Variants in CNTN3 observed in about 807,000 individuals in gnomAD.
CNTN3 encodes the protein contactin 3, also known as contactin-3.
In CNTN3, 60 loss-of-function variants were observed where a neutral mutation model predicts 119.1. The observed-to-expected ratio is 0.50, with a 90% CI of 0.41 to 0.62. The LOEUF (loss-of-function observed/expected upper bound fraction) is 0.62, where lower values mean the gene tolerates loss of function less well. CNTN3 is among the 20% of genes least tolerant of loss of function. The pLI is 0.00. For synonymous variants in CNTN3, 450 were observed against 438.7 expected, an observed-to-expected ratio of 1.03 and a Z score of -0.32; for missense variants, 1,101 against 1,242.4, an observed-to-expected ratio of 0.89 and a Z score of 1.71.
At chr3:74,399,986 A>G (rs1367810043) in intron 5 of CNTN3, among the ~76,000 whole-genome samples, 1 of 152,210 alleles carries the variant, frequency 6.6e-6, no homozygotes. Context: ...TCCAGCACAG[A>G]GTAAGTGTAA....
At chr3:74,513,280 A>G (rs115325633) in intron 2 of CNTN3, among the ~76,000 whole-genome samples, 2,755 of 152,270 alleles carry the variant, frequency 0.018, 70 homozygotes, top group African/African-American at 0.063. Flanking sequence ...CATGTCCACA[A>G]GTGACACCAA....
intron 1 of CNTN3, among the ~76,000 whole-genome samples, chr3:74,564,780 C>T (rs905370176): frequency 6.6e-6 from 1 of 151,912 alleles, no homozygotes; most frequent in Non-Finnish European, 1.5e-5. Context: ...CTCCTTGATT[C>T]ATCCAACATC....
At chr3:74,340,004 T>C (rs1169897014) in intron 11 of CNTN3, among the ~76,000 whole-genome samples, 3 of 152,026 alleles carry the variant, frequency 2.0e-5, no homozygotes, top group Non-Finnish European at 4.4e-5. Flanking sequence ...CAACCATAGA[T>C]AGAATATATT....
chr3:74,590,045 A>G (rs1024345908), intron 1 of CNTN3, among the ~76,000 whole-genome samples: 1 of 151,924 alleles, frequency 6.6e-6, no homozygotes, highest in Non-Finnish European at 1.5e-5. Flanking sequence ...CCAGCATGGC[A>G]CATGTATACA....
intron 5 of CNTN3, among the ~76,000 whole-genome samples, chr3:74,402,199 C>T (rs1166435259): frequency 6.6e-6 from 1 of 152,120 alleles, no homozygotes; most frequent in East Asian, 1.9e-4. Context: ...CGGCTACGTC[C>T]CAAAACCCCC....
chr3:74,315,886 T>C (rs1052226653), intron 13 of CNTN3, among the ~76,000 whole-genome samples: 13 of 152,210 alleles, frequency 8.5e-5, no homozygotes, highest in Non-Finnish European at 1.8e-4. Context: ...AAATATTTTA[T>C]ATGGAAATAC....
At chr3:74,323,334 G>A (rs772128048) in intron 13 of CNTN3, among the ~76,000 whole-genome samples, 1 of 152,038 alleles carries the variant, frequency 6.6e-6, no homozygotes, top group Non-Finnish European at 1.5e-5. Flanking sequence ...TTTAAAAGGG[G>A]TCCATCTCAA....
chr3:74,312,122 C>T (rs1302887491), intron 13 of CNTN3, among the ~76,000 whole-genome samples: 1 of 152,002 alleles, frequency 6.6e-6, no homozygotes, highest in African/African-American at 2.4e-5. Flanking sequence ...GGAAAACAGA[C>T]CATTTTGAGA....
chr3:74,436,558 C>T (rs955516600), intron 4 of CNTN3, among the ~76,000 whole-genome samples: 1 of 152,030 alleles, frequency 6.6e-6, no homozygotes, highest in Non-Finnish European at 1.5e-5. Flanking sequence ...ACGCTAGTAA[C>T]AATTTCACTG....
intron 13 of CNTN3, among the ~76,000 whole-genome samples, chr3:74,327,285 C>T (rs916181521): frequency 2.8e-4 from 42 of 151,754 alleles, no homozygotes; most frequent in African/African-American, 9.2e-4. Flanking sequence ...TGTGCCACCA[C>T]GCCTGGCTAA....
intron 4 of CNTN3, among the ~76,000 whole-genome samples, chr3:74,467,247 C>T (rs1462109259): frequency 6.6e-6 from 1 of 151,682 alleles, no homozygotes; most frequent in African/African-American, 2.4e-5. Flanking sequence ...CCTAAAATGA[C>T]TAAAAAATAA....
intron 13 of CNTN3, among the ~76,000 whole-genome samples, chr3:74,309,965 T>G (rs1265490919): frequency 1.3e-5 from 2 of 152,218 alleles, no homozygotes; most frequent in African/African-American, 4.8e-5. Context: ...TAATTCAACA[T>G]GGTGATAAAT....
At chr3:74,510,553 A>G (rs1703347638) in intron 2 of CNTN3, among the ~76,000 whole-genome samples, 1 of 152,116 alleles carries the variant, frequency 6.6e-6, no homozygotes, top group African/African-American at 2.4e-5. Flanking sequence ...CTGCATTTTA[A>G]TGACTTGTTT....
At chr3:74,607,741 T>C (rs1402140655) in intron 1 of CNTN3, among the ~76,000 whole-genome samples, 1 of 152,192 alleles carries the variant, frequency 6.6e-6, no homozygotes, top group African/African-American at 2.4e-5. Flanking sequence ...AAAAGATCCA[T>C]GGAAGTGGAA....
intron 3 of CNTN3, among the ~76,000 whole-genome samples, chr3:74,495,473 C>T (rs978806503): frequency 1.3e-5 from 2 of 151,840 alleles, no homozygotes; most frequent in Non-Finnish European, 1.5e-5. Context: ...ACAGCATACA[C>T]ATAGTGTGTG....
At chr3:74,395,378 T>C (rs73841835) in intron 5 of CNTN3, among the ~76,000 whole-genome samples, 3 of 150,304 alleles carry the variant, frequency 2.0e-5, no homozygotes, top group South Asian at 4.2e-4. Context: ...CACACACACA[T>C]ACACACACAC....
intron 1 of CNTN3, among the ~76,000 whole-genome samples, chr3:74,607,115 A>G (rs776824937): frequency 8.5e-5 from 13 of 152,180 alleles, no homozygotes; most frequent in Non-Finnish European, 1.9e-4. Context: ...CCTGCCTCGT[A>G]TATGCAAATG....
At chr3:74,408,802 C>A (rs1235615773) in intron 5 of CNTN3, among the ~76,000 whole-genome samples, 22 of 152,078 alleles carry the variant, frequency 1.4e-4, no homozygotes, top group Non-Finnish European at 3.2e-4. Context: ...AATTTCATAT[C>A]ATTCATCTCT....
At position 74,486,222 on chromosome 3, in the gene CNTN3, A is replaced by C. The variant is rs73839733; in HGVS notation, c.358+234T>G. On this transcript the variant is annotated intron_variant, in intron 4 of 22. Transcript: ENST00000263665. ...AGAGCACACACACACACACACACAC[A>C]CCCCTACATGCACACATGCACACCA... Among the ~76,000 whole-genome samples, 122 of 148,902 alleles carry C rather than the reference A, an allele frequency of 8.2e-4. 1 individual carries two copies. The highest frequency in any genetic ancestry group is 6.9e-3 in the Middle Eastern group (2 of 290).
Sources: gnomAD v4.1 joint callset for allele counts (sites outside exome capture counted in the v4.1 genomes callset) on GRCh38, gnomAD v4.1.1 for gene constraint, MANE v1.5 for transcripts, NCBI Gene and HGNC (gene_info 2026-07-23, HGNC 2026-07-21) for gene names.